The following MROH2A variants were observed in gnomAD, a reference collection of about 807,000 sequenced individuals.
MROH2A encodes the protein maestro heat-like repeat-containing protein family member 2A.
Under a neutral mutation model 200.4 loss-of-function variants are expected in MROH2A, and 174 were observed. The observed-to-expected ratio is 0.87, with a 90% CI of 0.77 to 0.98. MROH2A has a LOEUF of 0.98. MROH2A is among the 50% of genes least tolerant of loss of function. MROH2A has a pLI of 0.00. For synonymous variants in MROH2A, 829 were observed against 840.4 expected (o/e 0.99, Z 0.23); for missense variants, 2,045 against 2,139.6 (o/e 0.96, Z 0.87).
chr2:233,818,680 T>C lies in MROH2A; in HGVS notation c.3114T>C (p.Pro1038=). 6.5e-7 allele frequency: 1 copy of C among 1,549,914 alleles called. No individual in the cohort carries two copies. Among genetic ancestry groups the C allele is most frequent in the Non-Finnish European group, 8.7e-7 (1 of 1,146,502 alleles). ...GCCAGACCTGCTCCTTGTGGGGCCC[T>C]TCCAAGCAGAAGGAGCTTGAGAAAT... The part of the protein sequence containing the change: ...HASQTCSLWG[P]SKQKELEKCK... Residue 1038 remains proline, a synonymous_variant, in exon 29 of 42, where the codon CCT becomes CCC. Transcript: ENST00000389758.
chr2:233,775,919 G>A (rs1488182245), upstream of MROH2A, among the ~76,000 whole-genome samples: 3 of 152,224 alleles, frequency 2.0e-5, no homozygotes, highest in African/African-American at 4.8e-5. Flanking sequence ...CACAAGATCT[G>A]ATGGTTTTAT....
At chr2:233,817,146 G>C (rs1188094183) in intron 27 of MROH2A, among the ~76,000 whole-genome samples, 1 of 152,174 alleles carries the variant, frequency 6.6e-6, no homozygotes, top group South Asian at 2.1e-4. Flanking sequence ...AAGATACATA[G>C]TTATGAACCC....
At position 233,819,320 on chromosome 2, in the gene MROH2A, G is replaced by T. The variant is rs1383417038; in HGVS notation, c.3208G>T (p.Val1070Phe). The T allele has an allele frequency of 6.5e-7, 1 of 1,550,122 alleles. No individual in the cohort carries two copies. Among genetic ancestry groups the T allele is most frequent in the Non-Finnish European group, 8.7e-7 (1 of 1,146,646 alleles). Residue 1070 changes from valine to phenylalanine, a missense_variant, in exon 30 of 42, where the codon GTC becomes TTC. Val to Phe is a conservative substitution (Grantham distance 50). Transcript: ENST00000389758. The part of the protein sequence containing the change: ...FCASSRIAKV[V>F]CMEFSCDEVV... ...GAGTCACCCGCTCTGCTCCTAGGTG[G>T]TCTGCATGGAGTTTAGCTGCGATGA... is the stretch of plus-strand genomic sequence containing the variant.
At chr2:233,802,145 T>A (rs1340501818) in intron 14 of MROH2A, 23 bp from the exon 15 acceptor site, 2 of 1,542,374 alleles carry the variant, frequency 1.3e-6, no homozygotes, top group Admixed American at 4.0e-5. Context: ...TCTGAGCCCC[T>A]TTCTCTCCCA....
Position 233,819,963 on chromosome 2 carries a change from G to A in MROH2A, c.3419G>A (p.Arg1140Gln), listed in dbSNP as rs1234437711. Residue 1140 changes from arginine (R) to glutamine (Q), a missense_variant, in exon 31 of 42, where the codon CGG becomes CAG. This residue lies in a region of MROH2A where 1,201 missense variants were observed against 1,311.3 expected (regional missense o/e 0.92). Transcript: ENST00000389758. ...HLPVVDHPEV[R>Q]RLLIDGILLL... ...CCGGTGGTGGACCACCCAGAGGTGC[G>A]GCGCCTTCTCATTGACGGCATCCTG... 5.8e-6 allele frequency: 9 copies of A among 1,546,408 alleles called. No individual in the cohort carries two copies. Among genetic ancestry groups the A allele is most frequent in the African/African-American group, 5.5e-5 (4 of 73,068 alleles).
At position 233,833,369 on chromosome 2, in the gene MROH2A, T is replaced by A; in HGVS notation, c.*110T>A. 1.7e-6 allele frequency: 2 copies of A among 1,189,194 alleles called. No homozygotes were observed. Among genetic ancestry groups the A allele is most frequent in the Non-Finnish European group, 2.3e-6 (2 of 881,804 alleles). The allele number at this position is 1,189,194 out of a possible 1,614,324, so 73.7% of individuals were successfully genotyped here. ...AGGAAAAACACTATTGTAAAATAACTAGTATCCTTTTGTTTCCTTCCGTTG... is the reference window on the plus strand; with the variant it reads ...AGGAAAAACACTATTGTAAAATAACAAGTATCCTTTTGTTTCCTTCCGTTG... On this transcript the variant is annotated 3_prime_UTR_variant, in exon 42 of 42. Transcript: ENST00000389758.
At chr2:233,796,076 T>C in intron 10 of MROH2A, 31 bp downstream of exon 10, 1 of 1,546,986 alleles carries the variant, frequency 6.5e-7, no homozygotes, top group Non-Finnish European at 8.7e-7. Flanking sequence ...GCTCCCTGCC[T>C]GCCCCGAGGC....
At chr2:233,776,025 G>T (rs1700695660), upstream of MROH2A, among the ~76,000 whole-genome samples, 1 of 152,046 alleles carries the variant, frequency 6.6e-6, no homozygotes, top group African/African-American at 2.4e-5. Flanking sequence ...TGATTGTGAG[G>T]CCTCCCCAGC....
chr2:233,811,732 C>T, intron 23 of MROH2A, 148 bp from the exon 24 acceptor site: 1 of 637,260 alleles, frequency 1.6e-6, no homozygotes, highest in Non-Finnish European at 2.8e-6. Flanking sequence ...CCCTAAGATG[C>T]CAAAAGCCAA....
intron 26 of MROH2A, among the ~76,000 whole-genome samples, chr2:233,815,585 A>C (rs1231262551): frequency 6.6e-6 from 1 of 152,202 alleles, no homozygotes; most frequent in Non-Finnish European, 1.5e-5. Flanking sequence ...GTACGGGTCA[A>C]AGTTTATTTT....
chr2:233,822,900 C>A lies in MROH2A; in HGVS notation c.3886C>A (p.Gln1296Lys). The A allele has an allele frequency of 1.9e-6, 3 of 1,550,622 alleles. No individual in the cohort carries two copies. The highest frequency in any genetic ancestry group is 2.6e-6 in the Non-Finnish European group (3 of 1,146,986). Residue 1296 changes from glutamine (Q) to lysine (K), a missense_variant, in exon 34 of 42, where the codon CAG becomes AAG. By Grantham distance (53) the Gln-to-Lys change is moderately conservative. This residue lies in a region of MROH2A where 1,201 missense variants were observed against 1,311.3 expected (regional missense o/e 0.92). Coordinates refer to ENST00000389758, the MANE Select transcript of MROH2A (RefSeq NM_001394639.1). The part of the protein sequence containing the change: ...NLQRVTIKSM[Q>K]LLFKRVKSQH... ...CTTCAGGGTCACTATCAAGTCCATG[C>A]AGCTCTTGTTCAAGAGAGTCAAGAG... is the stretch of plus-strand genomic sequence containing the variant.
intron 14 of MROH2A, among the ~76,000 whole-genome samples, chr2:233,801,690 C>T (rs1000936774): frequency 4.6e-5 from 7 of 152,168 alleles, no homozygotes; most frequent in South Asian, 2.1e-4. Context: ...TATGCACTTT[C>T]GTCACACCTA....
chr2:233,799,229 C>A (rs1702303444), intron 12 of MROH2A, among the ~76,000 whole-genome samples: 2 of 152,220 alleles, frequency 1.3e-5, no homozygotes, highest in Admixed American at 6.5e-5. Context: ...CAGTCCCAGG[C>A]TCCATGGCAG....
chr2:233,829,455 C>A (rs925423505), intron 37 of MROH2A, among the ~76,000 whole-genome samples, 165 bp from the exon 38 acceptor site: 1 of 152,148 alleles, frequency 6.6e-6, no homozygotes. Flanking sequence ...AATGCCCAGC[C>A]CCTTGAGGGC....
At position 233,803,312 on chromosome 2, in the gene MROH2A, C is replaced by G. The variant is rs1016558473; in HGVS notation, c.1709-136C>G. The G allele has an allele frequency of 3.5e-6, 3 of 855,880 alleles. No individual in the cohort carries two copies. In the African/African-American group the frequency reaches 5.0e-5, roughly 14 times the overall value. 53.0% of individuals were successfully genotyped at this position (855,880 alleles called of 1,614,324 possible). On this transcript the variant is annotated intron_variant, in intron 15 of 41. Coordinates refer to ENST00000389758, the MANE Select transcript of MROH2A (RefSeq NM_001394639.1). ...AGGAAATTCCCTGTGCCAACCCATTCTCCATTCTGGGGGTTTGGGGAACAA... is the reference window on the plus strand; with the variant it reads ...AGGAAATTCCCTGTGCCAACCCATTGTCCATTCTGGGGGTTTGGGGAACAA...
At chr2:233,808,798 G>A (rs1702966560) in intron 21 of MROH2A, among the ~76,000 whole-genome samples, 2 of 152,312 alleles carry the variant, frequency 1.3e-5, no homozygotes, top group East Asian at 1.9e-4. Context: ...GAAGGTATGA[G>A]GTGTGCAAGC....
rs1396841230 is a variant in MROH2A at position 233,823,067 on chromosome 2, C to A, written c.4004+49C>A. The A allele has an allele frequency of 1.9e-6, 3 of 1,542,648 alleles. No individual in the cohort carries two copies. The African/African-American group carries it at 4.1e-5, about 21-fold the overall frequency. On this transcript the variant is annotated intron_variant, in intron 34 of 41. Coordinates refer to ENST00000389758, the MANE Select transcript of MROH2A (RefSeq NM_001394639.1). Reference sequence around the variant, plus strand: ...GGCAGGGGGACCTGCAGAGGCACCTCCTTGCTGGATGGAAGGGCTCCTTGT... The same window carrying A: ...GGCAGGGGGACCTGCAGAGGCACCTACTTGCTGGATGGAAGGGCTCCTTGT...
chr2:233,791,282 T>G (rs894343859), intron 5 of MROH2A, among the ~76,000 whole-genome samples: 3 of 152,006 alleles, frequency 2.0e-5, no homozygotes, highest in African/African-American at 7.2e-5. Flanking sequence ...AGGTGGGTAC[T>G]TGTGATGGTG....
rs930739929 is a variant in MROH2A, at chr2:233,800,312, C to A, written c.1557C>A (p.Thr519=). ...KIITSSVSGM[T]TEFWVRLLCY... Reference sequence around the variant, plus strand: ...TTACCTCTTCTGTCAGTGGGATGACCACCGTGAGTGGGCCCTGCCCCACCC... The same window carrying A: ...TTACCTCTTCTGTCAGTGGGATGACAACCGTGAGTGGGCCCTGCCCCACCC... The change falls in exon 14 of 42, where the codon ACC becomes ACA. Residue 519 remains threonine (T), a synonymous_variant. Coordinates refer to ENST00000389758, the MANE Select transcript of MROH2A (RefSeq NM_001394639.1). The A allele has an allele frequency of 6.5e-7, 1 of 1,541,574 alleles. No individual in the cohort carries two copies. The highest frequency in any genetic ancestry group is 8.8e-7 in the Non-Finnish European group (1 of 1,140,960).
Sources: gnomAD v4.1 joint callset for allele counts (sites outside exome capture counted in the v4.1 genomes callset) on GRCh38, gnomAD v4.1.1 for gene constraint, gnomAD v4.1.1 regional missense constraint, MANE v1.5 for transcripts, NCBI Gene and HGNC (gene_info 2026-07-23, HGNC 2026-07-21) for gene names.